DOCK5: variants seen among roughly 807,000 people sequenced by gnomAD.
DOCK5 encodes the protein dedicator of cytokinesis protein 5.
A neutral mutation model predicts 251.8 loss-of-function variants in DOCK5; 142 were observed. The ratio of observed to expected loss-of-function variants is 0.56; its 90% CI spans 0.49 to 0.65. The LOEUF (loss-of-function observed/expected upper bound fraction) is 0.65, where lower values mean the gene tolerates loss of function less well. Among genes scored for constraint, DOCK5 ranks in the 30% least tolerant of loss-of-function variants. DOCK5 has a pLI of 0.00. For synonymous variants in DOCK5, 842 were observed against 835.5 expected, an observed-to-expected ratio of 1.01 and a Z score of -0.13; for missense variants, 2,111 against 2,312.3, an observed-to-expected ratio of 0.91 and a Z score of 1.79.
At chr8:25,363,866 A>G (rs1800731734) in intron 29 of DOCK5, among the ~76,000 whole-genome samples, 1 of 152,162 alleles carries the variant, frequency 6.6e-6, no homozygotes, top group South Asian at 2.1e-4. Flanking sequence ...GTTCTTCTGA[A>G]GCGTCACCTC....
intron 3 of DOCK5, among the ~76,000 whole-genome samples, chr8:25,273,093 G>A (rs972713397): frequency 2.0e-5 from 3 of 152,048 alleles, no homozygotes; most frequent in African/African-American, 2.4e-5. Flanking sequence ...GTGGCACAGC[G>A]GCACAGCAGG....
intron 17 of DOCK5, among the ~76,000 whole-genome samples, 191 bp downstream of exon 17, chr8:25,324,142 T>A (rs1221844978): frequency 6.6e-6 from 1 of 151,598 alleles, no homozygotes; most frequent in African/African-American, 2.4e-5. Flanking sequence ...CTGGAGAGAG[T>A]GAGTTGCATT....
At chr8:25,371,331 C>T (rs966563454) in intron 34 of DOCK5, among the ~76,000 whole-genome samples, 7 of 152,094 alleles carry the variant, frequency 4.6e-5, no homozygotes, top group African/African-American at 1.4e-4. Context: ...AGTGAGCCAC[C>T]GTGATGGATG....
At chr8:25,408,965 G>C (rs1563234999) in intron 50 of DOCK5, 25 bp downstream of exon 50, 5 of 1,613,822 alleles carry the variant, frequency 3.1e-6, no homozygotes, top group Non-Finnish European at 4.2e-6. Flanking sequence ...ATTCCTTATA[G>C]TCTTTTTACT....
At chr8:25,241,607 A>T (rs1333043332) in intron 1 of DOCK5, among the ~76,000 whole-genome samples, 1 of 152,196 alleles carries the variant, frequency 6.6e-6, no homozygotes, top group Non-Finnish European at 1.5e-5. Flanking sequence ...TTCCTCAAGG[A>T]TCTAGAACCA....
chr8:25,274,142 T>C (rs1028504857), intron 3 of DOCK5, among the ~76,000 whole-genome samples: 12 of 152,194 alleles, frequency 7.9e-5, no homozygotes, highest in African/African-American at 2.4e-4. Context: ...CAGACAAATA[T>C]AGCACATGCA....
At chr8:25,308,999 C>T in intron 12 of DOCK5, 74 bp downstream of exon 12, 7 of 1,533,686 alleles carry the variant, frequency 4.6e-6, no homozygotes, top group South Asian at 1.2e-5. Flanking sequence ...CCTTGGACTC[C>T]TGCCCTTTAT....
At chr8:25,332,131 G>A in intron 18 of DOCK5, 120 bp from the exon 19 acceptor site, 1 of 592,780 alleles carries the variant, frequency 1.7e-6, no homozygotes, top group Non-Finnish European at 2.9e-6. Context: ...GAATATATAA[G>A]GCATCTTGAA....
At position 25,403,542 on chromosome 8, in the gene DOCK5, A is replaced by C; in HGVS notation, c.4927-16A>C. On this transcript the variant is annotated splice_polypyrimidine_tract_variant and intron_variant, in intron 47 of 51. Transcript: ENST00000276440. Reference sequence around the variant, plus strand: ...GATTCCAGGTCCGCTAACCATGTGGAGTCATATGTTTTCAGCCACCCAACT... The same window carrying C: ...GATTCCAGGTCCGCTAACCATGTGGCGTCATATGTTTTCAGCCACCCAACT... 11 of 1,613,052 alleles carry C rather than the reference A, an allele frequency of 6.8e-6. No individual in the cohort carries two copies. Among genetic ancestry groups the C allele is most frequent in the Non-Finnish European group, 9.3e-6 (11 of 1,179,448 alleles).
intron 34 of DOCK5, among the ~76,000 whole-genome samples, chr8:25,372,067 C>T (rs975868837): frequency 1.3e-5 from 2 of 152,180 alleles, no homozygotes; most frequent in East Asian, 3.9e-4. Context: ...ACTAGGTTCC[C>T]AGGTTCCTCT....
In DOCK5 at chr8:25,268,825, G is replaced by A. The variant is rs778039652; in HGVS notation, c.128-20G>A. The A allele has an allele frequency of 5.0e-5, 78 of 1,564,884 alleles. No homozygotes were observed. Among genetic ancestry groups the A allele is most frequent in the Non-Finnish European group, 6.6e-5 (76 of 1,154,882 alleles). On this transcript the variant is annotated intron_variant, in intron 2 of 51. Coordinates refer to ENST00000276440, the MANE Select transcript of DOCK5 (RefSeq NM_024940.8). The stretch of plus-strand genomic sequence containing the variant: ...TCCCAGAAAACATAAAATATTTTGT[G>A]TTCTCTTTTGCTCTGACAGGTTGGT...
Position 25,281,321 on chromosome 8 carries a change from G to A in DOCK5, c.321+2656G>A, listed in dbSNP as rs577008647. Among the ~76,000 whole-genome samples, 9 of 151,874 alleles carry A rather than the reference G, an allele frequency of 5.9e-5. No homozygotes were observed. In the East Asian group the frequency reaches 1.2e-3, roughly 20 times the overall value. ...CTTGTGCCTGTAATCCCAGCTACTCGGGAGGCTGAGGCAGGAGAATCGCAG... is the reference window on the plus strand; with the variant it reads ...CTTGTGCCTGTAATCCCAGCTACTCAGGAGGCTGAGGCAGGAGAATCGCAG... On this transcript the variant is annotated intron_variant, in intron 5 of 51. Transcript: ENST00000276440.
intron 1 of DOCK5, among the ~76,000 whole-genome samples, chr8:25,200,855 T>C (rs1230312134): frequency 6.6e-6 from 1 of 152,182 alleles, no homozygotes; most frequent in Non-Finnish European, 1.5e-5. Flanking sequence ...TACATCTTAT[T>C]AATTGTAGTG....
chr8:25,282,467 A>G (rs912208455), intron 5 of DOCK5, among the ~76,000 whole-genome samples: 1 of 127,048 alleles, frequency 7.9e-6, no homozygotes, highest in African/African-American at 3.4e-5. Context: ...CCATGTAAAG[A>G]TAAATACAGA....
At chr8:25,369,049 A>T (rs763473703) in intron 33 of DOCK5, among the ~76,000 whole-genome samples, 5 of 152,230 alleles carry the variant, frequency 3.3e-5, no homozygotes, top group Admixed American at 3.3e-4. Context: ...TTAAAAACCT[A>T]TCTATTATAG....
At chr8:25,225,162 G>A (rs192538876) in intron 1 of DOCK5, among the ~76,000 whole-genome samples, 1 of 152,340 alleles carries the variant, frequency 6.6e-6, no homozygotes, top group East Asian at 1.9e-4. Context: ...ATGTAAAATG[G>A]TGCAGTCCCT....
At chr8:25,300,774 C>G in intron 9 of DOCK5, 117 bp downstream of exon 9, 1 of 1,117,272 alleles carries the variant, frequency 9.0e-7, no homozygotes. Context: ...ATCAATCTGC[C>G]TAGCAGGAAT....
intron 5 of DOCK5, among the ~76,000 whole-genome samples, chr8:25,290,824 A>G (rs1804466869): frequency 6.6e-6 from 1 of 152,208 alleles, no homozygotes; most frequent in Non-Finnish European, 1.5e-5. Context: ...ATGGGAACAA[A>G]TTCTGGGCAC....
chr8:25,408,212 A>T, intron 49 of DOCK5, 58 bp downstream of exon 49: 1 of 1,492,048 alleles, frequency 6.7e-7, no homozygotes, highest in South Asian at 1.3e-5. Context: ...TCTCCCCTGT[A>T]CCCAGGCATA....
Sources: gnomAD v4.1 joint callset for allele counts (sites outside exome capture counted in the v4.1 genomes callset) on GRCh38, gnomAD v4.1.1 for gene constraint, MANE v1.5 for transcripts, NCBI Gene and HGNC (gene_info 2026-07-23, HGNC 2026-07-21) for gene names.